GABRG3: variants seen among roughly 807,000 people sequenced by gnomAD.
GABRG3 encodes the protein gamma-aminobutyric acid receptor subunit gamma-3.
GABRG3 carries 25 observed loss-of-function variants against 48.8 expected under a neutral mutation model. That is an observed-to-expected ratio of 0.51 (90% CI 0.37 to 0.72). The LOEUF is 0.72. Among genes scored for constraint, GABRG3 ranks in the 30% least tolerant of loss-of-function variants. The pLI is 0.00. For missense variants in GABRG3, 394 were observed against 577.9 expected, an observed-to-expected ratio of 0.68 and a Z score of 3.26; for synonymous variants, 227 against 217.6, an observed-to-expected ratio of 1.04 and a Z score of -0.38.
At chr15:27,134,854 C>G (rs1468041136) in intron 3 of GABRG3, among the ~76,000 whole-genome samples, 1 of 152,128 alleles carries the variant, frequency 6.6e-6, no homozygotes, top group East Asian at 1.9e-4. Flanking sequence ...ATCAAAATTC[C>G]CCTGAAGCTA....
At chr15:27,483,749 T>A (rs1414322973) in intron 6 of GABRG3, among the ~76,000 whole-genome samples, 2 of 152,168 alleles carry the variant, frequency 1.3e-5, no homozygotes, top group Non-Finnish European at 2.9e-5. Flanking sequence ...CACATTCAAA[T>A]GGGATCACAG....
At chr15:27,153,890 T>C (rs1428299677) in intron 3 of GABRG3, among the ~76,000 whole-genome samples, 1 of 152,212 alleles carries the variant, frequency 6.6e-6, no homozygotes, top group African/African-American at 2.4e-5. Flanking sequence ...ATGTTTGCTT[T>C]CTCTCTTCAG....
At chr15:27,022,612 G>T (rs1895916106) in intron 2 of GABRG3, among the ~76,000 whole-genome samples, 1 of 152,162 alleles carries the variant, frequency 6.6e-6, no homozygotes, top group East Asian at 1.9e-4. Flanking sequence ...GACCATGACA[G>T]GATTCCTTTA....
At chr15:27,028,789 G>GAGCT (rs531646276) in intron 3 of GABRG3, among the ~76,000 whole-genome samples, 2,759 of 129,204 alleles carry the variant, frequency 0.021, 40 homozygotes, top group Non-Finnish European at 0.032. Flanking sequence ...CTGGGTGACA[G>GAGCT]AGCTAGACTT....
chr15:27,065,306 TG>T (rs1296987790), intron 3 of GABRG3, among the ~76,000 whole-genome samples: 1 of 152,224 alleles, frequency 6.6e-6, no homozygotes, highest in Non-Finnish European at 1.5e-5. Context: ...GCTTCTGTGC[TG>T]GGGATTCAGC....
intron 3 of GABRG3, among the ~76,000 whole-genome samples, chr15:27,283,223 T>C (rs1443957207): frequency 2.0e-5 from 3 of 152,186 alleles, no homozygotes; most frequent in Non-Finnish European, 4.4e-5. Flanking sequence ...GGGCACTTTG[T>C]CACTGCCAAG....
intron 5 of GABRG3, among the ~76,000 whole-genome samples, chr15:27,435,688 G>A (rs914588764): frequency 5.3e-5 from 8 of 152,094 alleles, no homozygotes; most frequent in African/African-American, 9.7e-5. Context: ...TTAAGTTTAC[G>A]GTATTGGAAT....
chr15:26,979,505 G>A (rs1268639465), intron 2 of GABRG3, among the ~76,000 whole-genome samples: 2 of 151,952 alleles, frequency 1.3e-5, no homozygotes, highest in Non-Finnish European at 2.9e-5. Flanking sequence ...TTATCCAGTT[G>A]AGAAAGTTCT....
intron 3 of GABRG3, among the ~76,000 whole-genome samples, chr15:27,216,500 C>A (rs1889251029): frequency 6.6e-6 from 1 of 152,158 alleles, no homozygotes; most frequent in Non-Finnish European, 1.5e-5. Flanking sequence ...AGAGGCAAAG[C>A]ATCTTTATGA....
chr15:27,205,096 A>C (rs569133590), intron 3 of GABRG3, among the ~76,000 whole-genome samples: 5 of 152,116 alleles, frequency 3.3e-5, no homozygotes, highest in East Asian at 1.9e-4. Flanking sequence ...TACTATGTTG[A>C]ATAGCGGTGG....
chr15:27,350,422 GT>G (rs1280022266), intron 5 of GABRG3: 1 of 321,818 alleles, frequency 3.1e-6, no homozygotes, highest in African/African-American at 2.2e-5. Context: ...TTGTTTCTTT[GT>G]TTTTTCAAAT....
At chr15:27,379,857 T>C (rs1234998918) in intron 5 of GABRG3, among the ~76,000 whole-genome samples, 1 of 152,220 alleles carries the variant, frequency 6.6e-6, no homozygotes, top group African/African-American at 2.4e-5. Flanking sequence ...TCTTTGTGTC[T>C]TTGATTTACT....
intron 3 of GABRG3, among the ~76,000 whole-genome samples, chr15:27,314,184 G>A (rs764063861): frequency 6.6e-6 from 1 of 152,026 alleles, no homozygotes; most frequent in Non-Finnish European, 1.5e-5. Context: ...GAGTGAAAAG[G>A]CAACTATAGT....
chr15:27,073,281 G>A (rs1896857414), intron 3 of GABRG3, among the ~76,000 whole-genome samples: 1 of 152,234 alleles, frequency 6.6e-6, no homozygotes, highest in African/African-American at 2.4e-5. Flanking sequence ...AAGAGGAGGG[G>A]ACCCCTGGTG....
intron 5 of GABRG3, among the ~76,000 whole-genome samples, chr15:27,473,098 T>C (rs981787338): frequency 6.6e-5 from 10 of 152,208 alleles, no homozygotes; most frequent in African/African-American, 2.4e-4. Flanking sequence ...CATTATTAGG[T>C]TGTATATCAT....
At position 27,433,760 on chromosome 15, in the gene GABRG3, A is replaced by G. The variant is rs114277449; in HGVS notation, c.575-46890A>G. On this transcript the variant is annotated intron_variant, in intron 5 of 9. Coordinates refer to ENST00000615808, the MANE Select transcript of GABRG3 (RefSeq NM_033223.5). ...GCTGCTGAATAAATCAGTACAAGGTATGTGGAAATCCTCACAGGCCACCTG... is the reference window on the plus strand; with the variant it reads ...GCTGCTGAATAAATCAGTACAAGGTGTGTGGAAATCCTCACAGGCCACCTG... Among the ~76,000 whole-genome samples, 227 of 152,318 alleles carry G rather than the reference A, an allele frequency of 1.5e-3. 1 individual carries two copies. Among genetic ancestry groups the G allele is most frequent in the African/African-American group, 5.2e-3 (215 of 41,576 alleles).
At chr15:27,489,530 C>A (rs112135700) in intron 6 of GABRG3, among the ~76,000 whole-genome samples, 3 of 152,332 alleles carry the variant, frequency 2.0e-5, no homozygotes, top group African/African-American at 7.2e-5. Flanking sequence ...ACATCCTCTC[C>A]AGCATCTGTT....
At chr15:27,287,819 A>T (rs928324283) in intron 3 of GABRG3, among the ~76,000 whole-genome samples, 2 of 150,092 alleles carry the variant, frequency 1.3e-5, no homozygotes, top group East Asian at 2.0e-4. Context: ...GCTCACTGCA[A>T]GCTCCGCCTC....
At chr15:27,097,956 C>A (rs1383596564) in intron 3 of GABRG3, among the ~76,000 whole-genome samples, 4 of 139,328 alleles carry the variant, frequency 2.9e-5, no homozygotes, top group African/African-American at 2.7e-5. Context: ...TTTTTTAAAT[C>A]AGATGTCTTA....
Sources: gnomAD v4.1 joint callset for allele counts (sites outside exome capture counted in the v4.1 genomes callset) on GRCh38, gnomAD v4.1.1 for gene constraint, MANE v1.5 for transcripts, NCBI Gene and HGNC (gene_info 2026-07-23, HGNC 2026-07-21) for gene names.